Variants in SGIP1 observed in about 807,000 individuals in gnomAD.
The protein encoded by SGIP1 is SH3-containing GRB2-like protein 3-interacting protein 1.
In SGIP1, 38 loss-of-function variants were observed where a neutral mutation model predicts 107.5. The observed-to-expected ratio is 0.35, with a 90% CI of 0.27 to 0.46. The LOEUF is 0.46. Ranked by LOEUF, SGIP1 falls within the 20% of genes least tolerant of loss-of-function variation. The probability of loss-of-function intolerance (pLI) is 1.00; values close to 1 mark genes in which losing one functional copy is unlikely to be tolerated. For missense variants in SGIP1, 929 were observed against 1,019.5 expected (o/e 0.91, Z 1.21); for synonymous variants, 365 against 366.1 (o/e 1.00, Z 0.03).
intron 21 of SGIP1, among the ~76,000 whole-genome samples, chr1:66,738,231 T>C (rs2094334368): frequency 6.6e-6 from 1 of 152,242 alleles, no homozygotes; most frequent in Admixed American, 6.5e-5. Flanking sequence ...TGGGGGCTTG[T>C]TTCTGCCATA....
At chr1:66,547,832 G>A (rs1429503269) in intron 1 of SGIP1, among the ~76,000 whole-genome samples, 1 of 152,048 alleles carries the variant, frequency 6.6e-6, no homozygotes, top group Admixed American at 6.6e-5. Flanking sequence ...TGGCGGTGAA[G>A]GCTACTTTAA....
At chr1:66,593,309 A>T (rs2064002304) in intron 1 of SGIP1, among the ~76,000 whole-genome samples, 1 of 152,194 alleles carries the variant, frequency 6.6e-6, no homozygotes, top group South Asian at 2.1e-4. Flanking sequence ...ACTAAATACC[A>T]AGGAGCACAA....
intron 4 of SGIP1, 145 bp from the exon 5 acceptor site, chr1:66,639,632 G>A (rs2076411351): frequency 7.8e-6 from 5 of 639,044 alleles, no homozygotes; most frequent in Non-Finnish European, 1.4e-5. Flanking sequence ...CACAAATGTG[G>A]CTCCTTAATA....
In SGIP1 at chr1:66,679,678, C is replaced by A; in HGVS notation, c.740C>A (p.Thr247Lys). The A allele has an allele frequency of 6.2e-7, 1 of 1,604,496 alleles. No individual in the cohort carries two copies. Among genetic ancestry groups the A allele is most frequent in the Non-Finnish European group, 8.5e-7 (1 of 1,177,334 alleles). The stretch of plus-strand genomic sequence containing the variant: ...TACTTAATTTCTCATCTTTTTGCAG[C>A]ACCTCCACCACTGCCTCCAAAAAAT... Reference protein sequence around the residue: ...PKLTRPFPTGTPPPLPPKNVP... With the variant: ...PKLTRPFPTGKPPPLPPKNVP... The change falls in exon 14 of 25, where the codon ACA becomes AAA. Residue 247 changes from threonine (T) to lysine (K), a missense_variant and splice_region_variant. Thr to Lys is a moderately conservative substitution (Grantham distance 78). This residue lies in a region of SGIP1 where 588 missense variants were observed against 588.6 expected (regional missense o/e 1.00). Transcript: ENST00000371037.
chr1:66,574,634 C>T (rs1479991532), intron 1 of SGIP1, among the ~76,000 whole-genome samples: 1 of 152,172 alleles, frequency 6.6e-6, no homozygotes, highest in Non-Finnish European at 1.5e-5. Context: ...GCCTTTGTCA[C>T]CAGACATGTC....
intron 24 of SGIP1, 140 bp downstream of exon 24, chr1:66,741,576 C>T: frequency 2.4e-6 from 2 of 822,620 alleles, no homozygotes; most frequent in Non-Finnish European, 3.5e-6. Flanking sequence ...GAAAACCAAC[C>T]AATTATTGAA....
intron 18 of SGIP1, among the ~76,000 whole-genome samples, chr1:66,701,890 G>C (rs1382769223): frequency 2.6e-5 from 4 of 152,326 alleles, no homozygotes; most frequent in Non-Finnish European, 5.9e-5. Context: ...TAAATGTACA[G>C]AATTCATGTT....
At chr1:66,538,371 G>A (rs1222601018) in intron 1 of SGIP1, among the ~76,000 whole-genome samples, 1 of 152,096 alleles carries the variant, frequency 6.6e-6, no homozygotes, top group African/African-American at 2.4e-5. Context: ...TCCAATATAT[G>A]TTCCATCACC....
intron 18 of SGIP1, among the ~76,000 whole-genome samples, chr1:66,703,496 G>C (rs2092181609): frequency 6.6e-6 from 1 of 151,208 alleles, no homozygotes; most frequent in African/African-American, 2.4e-5. Flanking sequence ...ATATCCATTT[G>C]CTCTCAGTAC....
intron 15 of SGIP1, among the ~76,000 whole-genome samples, chr1:66,687,144 G>C (rs543959292): frequency 6.6e-6 from 1 of 152,226 alleles, no homozygotes; most frequent in South Asian, 2.1e-4. Flanking sequence ...TTTTTCTGGA[G>C]CATGTAGGAA....
intron 8 of SGIP1, among the ~76,000 whole-genome samples, chr1:66,662,239 C>T (rs890504794): frequency 2.6e-5 from 4 of 152,178 alleles, no homozygotes; most frequent in Admixed American, 2.6e-4. Flanking sequence ...TAACATTAAT[C>T]ACTCAATTTG....
intron 1 of SGIP1, among the ~76,000 whole-genome samples, chr1:66,538,106 A>C (rs1025774615): frequency 6.6e-6 from 1 of 152,186 alleles, no homozygotes; most frequent in Non-Finnish European, 1.5e-5. Flanking sequence ...AAGAGTAACT[A>C]AACTTCTGTT....
Position 66,739,387 on chromosome 1 carries a change from G to A in SGIP1, c.2084G>A (p.Arg695Gln), listed in dbSNP as rs1336965913. 17 of 1,610,540 alleles carry A rather than the reference G, an allele frequency of 1.1e-5. No homozygotes were observed. Among genetic ancestry groups the A allele is most frequent in the Middle Eastern group, 1.6e-4 (1 of 6,082 alleles). ...CCTCTGAACCTGGCAGTGAATTGGC[G>A]ATGTGAGCCTTCAAGCACTGACCTG... ...STPLNLAVNW[R>Q]CEPSSTDLRI... is the part of the protein sequence containing the mutation. The change falls in exon 22 of 25, where the codon CGA (arginine) becomes CAA (glutamine). Residue 695 changes from arginine (R) to glutamine (Q), a missense_variant. Transcript: ENST00000371037.
At chr1:66,600,859 G>A (rs553683048) in intron 1 of SGIP1, among the ~76,000 whole-genome samples, 1 of 152,236 alleles carries the variant, frequency 6.6e-6, no homozygotes, top group African/African-American at 2.4e-5. Flanking sequence ...GAGTAGCTTG[G>A]AACAGGTAAG....
chr1:66,666,407 A>C (rs2082545364), intron 8 of SGIP1: 1 of 175,626 alleles, frequency 5.7e-6, no homozygotes, highest in Admixed American at 6.2e-5. Context: ...AGGCAGTGTG[A>C]TGCCTCCAGC....
intron 15 of SGIP1, among the ~76,000 whole-genome samples, chr1:66,685,785 A>G (rs1319580824): frequency 6.6e-6 from 1 of 152,244 alleles, no homozygotes; most frequent in Non-Finnish European, 1.5e-5. Flanking sequence ...AGCAGCCACA[A>G]TTCAAGTGCT....
intron 1 of SGIP1, among the ~76,000 whole-genome samples, chr1:66,592,647 T>G (rs978121004): frequency 6.6e-6 from 1 of 152,192 alleles, no homozygotes; most frequent in African/African-American, 2.4e-5. Flanking sequence ...CTTAGTGGTG[T>G]ACATTCTATA....
intron 1 of SGIP1, among the ~76,000 whole-genome samples, chr1:66,536,621 T>C (rs1014879989): frequency 7.2e-5 from 11 of 152,190 alleles, no homozygotes; most frequent in African/African-American, 2.4e-4. Flanking sequence ...CCTCTGTACA[T>C]CTACCACAAT....
At position 66,747,640 on chromosome 1, in the gene SGIP1, C is replaced by T. The variant is rs1304104500; in HGVS notation, c.*4545C>T. 6.6e-6 allele frequency: 1 copy of T among 151,960 alleles called. No individual in the cohort carries two copies. The highest frequency in any genetic ancestry group is 1.5e-5 in the Non-Finnish European group (1 of 67,878). 9.4% of individuals were successfully genotyped at this position (151,960 alleles called of 1,614,324 possible). ...GAGTTGAACCTATTTATTTTGTAAGCTTTTGACTTTACAAACATGTGGTAG... is the reference window on the plus strand; with the variant it reads ...GAGTTGAACCTATTTATTTTGTAAGTTTTTGACTTTACAAACATGTGGTAG... On this transcript the variant is annotated 3_prime_UTR_variant, in exon 25 of 25. Transcript: ENST00000371037.
Sources: gnomAD v4.1 joint callset for allele counts (sites outside exome capture counted in the v4.1 genomes callset) on GRCh38, gnomAD v4.1.1 for gene constraint, gnomAD v4.1.1 regional missense constraint, MANE v1.5 for transcripts, NCBI Gene and HGNC (gene_info 2026-07-23, HGNC 2026-07-21) for gene names.